PRMT3: variants seen among roughly 807,000 people sequenced by gnomAD.
The protein encoded by PRMT3 is protein arginine methyltransferase 3.
Under a neutral mutation model 71.9 loss-of-function variants are expected in PRMT3, and 62 were observed. The ratio of observed to expected loss-of-function variants is 0.86; its 90% confidence interval spans 0.70 to 1.07. The LOEUF is 1.07. Ranked by LOEUF, PRMT3 falls within the 50% of genes least tolerant of loss-of-function variation. The pLI is 0.00. For synonymous variants in PRMT3, 213 were observed against 220.4 expected, an observed-to-expected ratio of 0.97 and a Z score of 0.30; for missense variants, 663 against 643.0, an observed-to-expected ratio of 1.03 and a Z score of -0.34.
chr11:20,410,667 T>C (rs2133327502), intron 9 of PRMT3, among the ~76,000 whole-genome samples: 1 of 152,194 alleles, frequency 6.6e-6, no homozygotes, highest in African/African-American at 2.4e-5. Flanking sequence ...CCTTCTAAAG[T>C]ATATTTGTCA....
chr11:20,453,327 A>T (rs1457684987), intron 11 of PRMT3, among the ~76,000 whole-genome samples: 1 of 151,570 alleles, frequency 6.6e-6, no homozygotes, highest in South Asian at 2.1e-4. Context: ...CTAAAAAAAA[A>T]AAAAAAAAAA....
At chr11:20,485,086 CTG>C (rs1352964817) in intron 13 of PRMT3, among the ~76,000 whole-genome samples, 1 of 152,098 alleles carries the variant, frequency 6.6e-6, no homozygotes. Flanking sequence ...ACTGTAAAGA[CTG>C]TGCCCAAGAA....
At chr11:20,396,752 T>C (rs1202977524) in intron 6 of PRMT3, among the ~76,000 whole-genome samples, 1 of 152,216 alleles carries the variant, frequency 6.6e-6, no homozygotes, top group Non-Finnish European at 1.5e-5. Context: ...ACTGGTGTAG[T>C]ACTTTTCAAA....
chr11:20,507,846 C>T lies in PRMT3; in HGVS notation c.1487-458C>T, dbSNP rs558086565. Among the ~76,000 whole-genome samples, 8 of 151,696 alleles carry T rather than the reference C, an allele frequency of 5.3e-5. No homozygotes were observed. In the South Asian group the frequency reaches 1.7e-3, roughly 32 times the overall value. ...TATTGGCTGGGCACAATGGCTCATT[C>T]CTGTATTCCCAGCACTTTGGGAGGC... On this transcript the variant is annotated intron_variant, in intron 15 of 15. Coordinates refer to ENST00000331079, the MANE Select transcript of PRMT3 (RefSeq NM_005788.4).
At chr11:20,393,314 G>A (rs1456365164) in intron 5 of PRMT3, among the ~76,000 whole-genome samples, 1 of 152,174 alleles carries the variant, frequency 6.6e-6, no homozygotes, top group Non-Finnish European at 1.5e-5. Context: ...GGGCATGGTG[G>A]CGGGCTTCTG....
chr11:20,400,104 A>G (rs1848916449), intron 7 of PRMT3, among the ~76,000 whole-genome samples: 1 of 152,218 alleles, frequency 6.6e-6, no homozygotes, highest in South Asian at 2.1e-4. Context: ...GTTTCTTAGA[A>G]CGATTCTTAG....
chr11:20,387,835 C>A lies in PRMT3; in HGVS notation c.28+61C>A, dbSNP rs906316579. On this transcript the variant is annotated intron_variant, in intron 1 of 15. Transcript: ENST00000331079. The surrounding 1 kb of genome is among the most constrained non-coding windows in gnomAD (Gnocchi z 4.3). The stretch of plus-strand genomic sequence containing the variant: ...AGCCCCAGGCCGCGCCGCTGTGGGG[C>A]CGGTGGAAGACCCTCCGGGACACGG... 6.5e-7 allele frequency: 1 copy of A among 1,537,616 alleles called. No individual in the cohort carries two copies. The highest frequency in any genetic ancestry group is 8.7e-7 in the Non-Finnish European group (1 of 1,143,744).
intron 7 of PRMT3, 112 bp from the exon 8 acceptor site, chr11:20,402,807 A>G (rs1848978565): frequency 1.4e-6 from 1 of 692,638 alleles, no homozygotes; most frequent in African/African-American, 1.8e-5. Flanking sequence ...TCCCAGGTAT[A>G]AAAACTGCTA....
At chr11:20,464,615 A>C (rs1008603082) in intron 13 of PRMT3, 69 bp downstream of exon 13, 2 of 1,583,138 alleles carry the variant, frequency 1.3e-6, no homozygotes, top group African/African-American at 2.7e-5. Flanking sequence ...TAATGAGTTT[A>C]ATTACCAGGC....
Position 20,494,204 on chromosome 11 carries a change from AC to A in PRMT3, c.1437del (p.Trp480GlyfsTer20). 1 of 1,611,812 alleles carries A rather than the reference AC, an allele frequency of 6.2e-7. No homozygotes were observed. Among genetic ancestry groups the A allele is most frequent in the Non-Finnish European group, 8.5e-7 (1 of 1,177,920 alleles). On this transcript the variant is annotated frameshift_variant, in exon 15 of 16. Coordinates refer to ENST00000331079, the MANE Select transcript of PRMT3 (RefSeq NM_005788.4). LOFTEE classifies it high-confidence loss of function. Reference protein sequence around the residue: ...FSTGPQSTKTHWKQTVFLLEK... With the variant: ...FSTGPQSTKTXWKQTVFLLEK... ...ACGGGCCCTCAGAGCACCAAAACACACTGGAAACAAACAGTATTTCTACTGG... is the reference window on the plus strand; with the variant it reads ...ACGGGCCCTCAGAGCACCAAAACACATGGAAACAAACAGTATTTCTACTGG...
intron 13 of PRMT3, among the ~76,000 whole-genome samples, chr11:20,474,221 G>A (rs182965631): frequency 6.6e-4 from 101 of 152,320 alleles, no homozygotes; most frequent in South Asian, 4.8e-3. Flanking sequence ...GTGAAGCTGT[G>A]CTGTGCTGTG....
rs1469073396 is a variant in PRMT3, at chr11:20,402,944, G to A, written c.731G>A (p.Arg244Gln). 6.8e-6 allele frequency: 11 copies of A among 1,608,886 alleles called. 1 individual carries two copies. Among genetic ancestry groups the A allele is most frequent in the East Asian group, 4.5e-5 (2 of 44,790 alleles). ...LKDKIRTESY[R>Q]DFIYQNPHIF... ...GACAAAATACGAACAGAAAGCTACC[G>A]AGATTTCATATACCAAAATCCACAT... The change falls in exon 8 of 16, where the codon CGA (arginine) becomes CAA (glutamine). Residue 244 changes from arginine to glutamine, a missense_variant. Coordinates refer to ENST00000331079, the MANE Select transcript of PRMT3 (RefSeq NM_005788.4).
At chr11:20,460,745 T>A (rs1590080720) in intron 11 of PRMT3, among the ~76,000 whole-genome samples, 1 of 152,196 alleles carries the variant, frequency 6.6e-6, no homozygotes, top group East Asian at 1.9e-4. Flanking sequence ...CCTATTATAA[T>A]GGTTAGTACC....
intron 10 of PRMT3, among the ~76,000 whole-genome samples, chr11:20,451,731 C>T (rs1850153374): frequency 6.6e-6 from 1 of 152,012 alleles, no homozygotes; most frequent in South Asian, 2.1e-4. Flanking sequence ...TCAAAAATTA[C>T]TCAGACATTG....
chr11:20,402,998 G>T lies in PRMT3; in HGVS notation c.771+14G>T. The T allele has an allele frequency of 6.5e-7, 1 of 1,541,512 alleles. No homozygotes were observed. The highest frequency in any genetic ancestry group is 9.0e-7 in the Non-Finnish European group (1 of 1,115,174). The stretch of plus-strand genomic sequence containing the variant: ...TTCAAAGACAAGGTAAGTAGTATAG[G>T]TTATAGAATTATACATTTCATCTTG... On this transcript the variant is annotated intron_variant, in intron 8 of 15. Coordinates refer to ENST00000331079, the MANE Select transcript of PRMT3 (RefSeq NM_005788.4).
intron 13 of PRMT3, among the ~76,000 whole-genome samples, chr11:20,492,766 G>A (rs1215527570): frequency 6.6e-6 from 1 of 152,116 alleles, no homozygotes; most frequent in Non-Finnish European, 1.5e-5. Context: ...TTCTTTAAGA[G>A]ATCTTTTGTA....
chr11:20,478,494 G>A (rs1486006723), intron 13 of PRMT3, among the ~76,000 whole-genome samples: 1 of 150,788 alleles, frequency 6.6e-6, no homozygotes, highest in Admixed American at 6.6e-5. Flanking sequence ...TTGTACCACT[G>A]CACTCCAGCC....
intron 10 of PRMT3, among the ~76,000 whole-genome samples, chr11:20,450,746 T>C (rs1850130165): frequency 6.6e-6 from 1 of 152,132 alleles, no homozygotes; most frequent in African/African-American, 2.4e-5. Flanking sequence ...TTTCTATAAA[T>C]TAAAATTGCT....
intron 15 of PRMT3, among the ~76,000 whole-genome samples, chr11:20,503,046 C>T (rs1312173753): frequency 2.7e-5 from 4 of 147,060 alleles, no homozygotes; most frequent in Admixed American, 1.4e-4. Context: ...TTCTGATAAT[C>T]CATCCTAAAG....
Sources: allele counts gnomAD v4.1 joint callset (sites outside exome capture counted in the v4.1 genomes callset), GRCh38; gene constraint gnomAD v4.1.1; non-coding constraint Gnocchi (gnomAD v3.1); transcripts MANE v1.5; gene names NCBI Gene and HGNC (gene_info 2026-07-23, HGNC 2026-07-21).